UNC13C: variants seen among roughly 807,000 people sequenced by gnomAD.
The protein encoded by UNC13C is unc-13 homolog C, also known as protein unc-13 homolog C.
Under a neutral mutation model 245.4 loss-of-function variants are expected in UNC13C, and 174 were observed. The observed-to-expected ratio is 0.71, with a 90% CI of 0.63 to 0.80. UNC13C has a LOEUF of 0.80. Among genes scored for constraint, UNC13C ranks in the 30% least tolerant of loss-of-function variants. The pLI, the probability that UNC13C is intolerant of heterozygous loss-of-function variation, is 0.00. For missense variants in UNC13C, 2,829 were observed against 2,602.9 expected (o/e 1.09, Z -1.89); for synonymous variants, 992 against 895.1 (o/e 1.11, Z -1.93).
intron 14 of UNC13C, among the ~76,000 whole-genome samples, chr15:54,325,887 G>C (rs930916410): frequency 1.3e-5 from 2 of 151,980 alleles, no homozygotes; most frequent in African/African-American, 4.8e-5. Context: ...TTTATTATCT[G>C]CTTGGGTAGG....
intron 29 of UNC13C, among the ~76,000 whole-genome samples, chr15:54,561,962 C>G (rs1897311657): frequency 6.6e-6 from 1 of 151,794 alleles, no homozygotes; most frequent in Admixed American, 6.6e-5. Flanking sequence ...AAAAGGAGCC[C>G]AAAATGCCTC....
rs577899048 is a variant in UNC13C at position 54,473,658 on chromosome 15, A to G, written c.4934-20950A>G. ...GTTCCATCTATGTTGCTGCAAGTGC[A>G]AGATTTCCTTCCTTTTTACAGCTCA... On this transcript the variant is annotated intron_variant, in intron 19 of 32. Coordinates refer to ENST00000260323, the MANE Select transcript of UNC13C (RefSeq NM_001080534.3). 2.6e-5 allele frequency among the ~76,000 whole-genome samples: 4 copies of G among 152,046 alleles called. No individual in the cohort carries two copies. The South Asian group carries it at 8.3e-4, about 32-fold the overall frequency.
intron 4 of UNC13C, among the ~76,000 whole-genome samples, chr15:54,223,129 T>G (rs1451858916): frequency 6.6e-6 from 1 of 152,162 alleles, no homozygotes; most frequent in East Asian, 1.9e-4. Context: ...TTTGCTTTGG[T>G]TGCCTGTACT....
chr15:53,839,572 G>T, the UNC13C span, among the ~76,000 whole-genome samples: 1 of 151,558 alleles, frequency 6.6e-6, no homozygotes, highest in Non-Finnish European at 1.5e-5. Context: ...ATATTTTAAC[G>T]TTGACTTCTA....
At chr15:54,271,932 G>A (rs1278300756) in intron 10 of UNC13C, among the ~76,000 whole-genome samples, 3 of 152,096 alleles carry the variant, frequency 2.0e-5, no homozygotes, top group South Asian at 4.1e-4. Context: ...CTGAGTGACC[G>A]TTATATGTAA....
At chr15:53,931,569 T>C in the UNC13C span, among the ~76,000 whole-genome samples, 1 of 152,076 alleles carries the variant, frequency 6.6e-6, no homozygotes, top group African/African-American at 2.4e-5. Flanking sequence ...TAATCTTGTA[T>C]GCTTTCCACT....
intron 2 of UNC13C, among the ~76,000 whole-genome samples, chr15:54,039,270 C>T (rs1292891344): frequency 6.6e-6 from 1 of 152,160 alleles, no homozygotes; most frequent in East Asian, 1.9e-4. Flanking sequence ...TCTTTCCATT[C>T]CATCAGAAGT....
At chr15:54,348,141 T>C (rs2038901674) in intron 17 of UNC13C, among the ~76,000 whole-genome samples, 1 of 152,202 alleles carries the variant, frequency 6.6e-6, no homozygotes, top group Admixed American at 6.5e-5. Context: ...GCCTACAGCA[T>C]GTACAGCAAT....
intron 2 of UNC13C, among the ~76,000 whole-genome samples, chr15:54,092,776 G>A (rs1899642498): frequency 6.6e-6 from 1 of 152,120 alleles, no homozygotes; most frequent in Non-Finnish European, 1.5e-5. Flanking sequence ...GGAATATAGG[G>A]AGAATAATTC....
At chr15:54,331,280 G>A (rs1026839590) in intron 14 of UNC13C, among the ~76,000 whole-genome samples, 1 of 152,028 alleles carries the variant, frequency 6.6e-6, no homozygotes, top group Non-Finnish European at 1.5e-5. Flanking sequence ...TATAAGGTTT[G>A]TATGTGTGAC....
intron 2 of UNC13C, among the ~76,000 whole-genome samples, chr15:54,078,544 A>G (rs1045844537): frequency 6.6e-6 from 1 of 151,884 alleles, no homozygotes; most frequent in African/African-American, 2.4e-5. Flanking sequence ...ATGGGTTTTC[A>G]TTGTAGTTTT....
intron 30 of UNC13C, among the ~76,000 whole-genome samples, chr15:54,572,924 C>T (rs1897820135): frequency 6.6e-6 from 1 of 152,078 alleles, no homozygotes; most frequent in Non-Finnish European, 1.5e-5. Flanking sequence ...ACTCCATTTT[C>T]TTCTTTTCCT....
the UNC13C span, among the ~76,000 whole-genome samples, chr15:53,962,024 T>C: frequency 1.3e-5 from 2 of 152,242 alleles, no homozygotes; most frequent in African/African-American, 2.4e-5. Flanking sequence ...TAATGCGTTA[T>C]GTTTTCTTTA....
intron 17 of UNC13C, among the ~76,000 whole-genome samples, chr15:54,372,182 A>G (rs1488109346): frequency 2.6e-5 from 4 of 152,166 alleles, no homozygotes; most frequent in African/African-American, 4.8e-5. Flanking sequence ...GGATGCATAT[A>G]TCAAAACATC....
At chr15:54,597,365 C>T (rs896978936) in intron 30 of UNC13C, among the ~76,000 whole-genome samples, 2 of 152,296 alleles carry the variant, frequency 1.3e-5, no homozygotes, top group African/African-American at 4.8e-5. Context: ...TAGGAGATAG[C>T]TTAACACCTT....
chr15:53,950,051 C>T, the UNC13C span, among the ~76,000 whole-genome samples: 2 of 152,134 alleles, frequency 1.3e-5, no homozygotes, highest in Non-Finnish European at 2.9e-5. Flanking sequence ...ACATCTGTGA[C>T]ACTCTTACCT....
chr15:54,624,019 A>T, intron 32 of UNC13C, 65 bp downstream of exon 32: 1 of 1,585,744 alleles, frequency 6.3e-7, no homozygotes, highest in Non-Finnish European at 8.6e-7. Context: ...GACCTTACTG[A>T]GGGATTTGGA....
chr15:54,508,070 C>G (rs1894563795), intron 23 of UNC13C, among the ~76,000 whole-genome samples: 1 of 151,990 alleles, frequency 6.6e-6, no homozygotes, highest in South Asian at 2.1e-4. Context: ...TAAGATGCTT[C>G]TTTTCCTTAA....
chr15:53,869,505 C>T, the UNC13C span, among the ~76,000 whole-genome samples: 2 of 152,272 alleles, frequency 1.3e-5, no homozygotes, highest in South Asian at 4.1e-4. Context: ...TTAGAGTCTT[C>T]ATTAGAATAA....
Sources: gnomAD v4.1 joint callset for allele counts (sites outside exome capture counted in the v4.1 genomes callset) on GRCh38, gnomAD v4.1.1 for gene constraint, MANE v1.5 for transcripts, NCBI Gene and HGNC (gene_info 2026-07-23, HGNC 2026-07-21) for gene names.